Variants in TNNT1 observed in about 807,000 individuals in gnomAD.
TNNT1 encodes the protein troponin T1, slow skeletal type.
A neutral mutation model predicts 50.6 loss-of-function variants in TNNT1; 53 were observed. That is an observed-to-expected ratio of 1.05 (90% CI 0.84 to 1.32). TNNT1 has a LOEUF of 1.32. TNNT1 is among the 40% of genes most tolerant of loss of function. The pLI, the probability that TNNT1 is intolerant of heterozygous loss-of-function variation, is 0.00. For missense variants in TNNT1, 348 were observed against 381.7 expected, an observed-to-expected ratio of 0.91 and a Z score of 0.74; for synonymous variants, 142 against 138.0, an observed-to-expected ratio of 1.03 and a Z score of -0.20.
intron 11 of TNNT1, 21 bp downstream of exon 11, chr19:55,137,082 C>T (rs761460589): frequency 1.3e-5 from 18 of 1,426,692 alleles, no homozygotes; most frequent in Non-Finnish European, 1.6e-5. Context: ...CCCTACACCC[C>T]GAGCCCCCCA....
rs550539061 is a variant in TNNT1, at chr19:55,136,215, C to T, written c.611+888G>A. On this transcript the variant is annotated intron_variant, in intron 11 of 13. Transcript: ENST00000588981. ...ACACAAGGATAATAATAGTATCTAC[C>T]TCACAGGGTTGTAAACCCTCCACAG... Among the ~76,000 whole-genome samples the T allele has an allele frequency of 2.0e-5, 3 of 152,174 alleles. No individual in the cohort carries two copies. In the South Asian group the frequency reaches 6.2e-4, roughly 32 times the overall value.
At chr19:55,148,731 T>A (rs79522342) in intron 1 of TNNT1, among the ~76,000 whole-genome samples, 2 of 151,804 alleles carry the variant, frequency 1.3e-5, no homozygotes, top group African/African-American at 4.8e-5. Flanking sequence ...TATCATAATG[T>A]CTCAGATTCC....
chr19:55,146,743 G>C lies in TNNT1; in HGVS notation c.47-36C>G, dbSNP rs748344144. On this transcript the variant is annotated intron_variant, in intron 3 of 13. Transcript: ENST00000588981. ...GGGCACAGAAGAGAAGGCGTTAGGA[G>C]CTGGGGGAGGGATGGGGGCGGTGGC... is the stretch of plus-strand genomic sequence containing the variant. 22 of 1,471,576 alleles carry C rather than the reference G, an allele frequency of 1.5e-5. No individual in the cohort carries two copies. In the East Asian group the frequency reaches 5.2e-4, roughly 35 times the overall value. The allele number at this position is 1,471,576 out of a possible 1,614,324, so 91.2% of individuals were successfully genotyped here.
chr19:55,145,686 T>G, intron 5 of TNNT1, 121 bp from the exon 6 acceptor site: 1 of 999,652 alleles, frequency 1.0e-6, no homozygotes, highest in Non-Finnish European at 1.6e-6. Flanking sequence ...AGGGAAGGAC[T>G]CTGGAGTCCA....
chr19:55,140,798 T>TAAC, intron 9 of TNNT1, 85 bp downstream of exon 9: 1 of 770,786 alleles, frequency 1.3e-6, no homozygotes, highest in South Asian at 2.7e-5. Context: ...ATAATAGTAA[T>TAAC]AATAATAATA....
chr19:55,133,680 T>TAAA (rs377688637), intron 13 of TNNT1: 28 of 489,680 alleles, frequency 5.7e-5, no homozygotes, highest in African/African-American at 7.4e-5. Flanking sequence ...GCAGTCTCAA[T>TAAA]AAAAAAAAAA....
chr19:55,136,296 AG>A (rs2085345021), intron 11 of TNNT1, among the ~76,000 whole-genome samples: 1 of 152,086 alleles, frequency 6.6e-6, no homozygotes, highest in Non-Finnish European at 1.5e-5. Flanking sequence ...TACATTGCCC[AG>A]GCTGGTCTCC....
rs952653620 is a variant in TNNT1 at position 55,146,955 on chromosome 19, A to G, written c.46+53T>C. The G allele has an allele frequency of 2.6e-6, 4 of 1,549,194 alleles. No homozygotes were observed. In the African/African-American group the frequency reaches 5.4e-5, roughly 21 times the overall value. ...TGCCACACTCCTCGCCTCCCCTCCC[A>G]AGAGCTCCTGGGCGTGTCCCCATCC... On this transcript the variant is annotated intron_variant, in intron 3 of 13. Transcript: ENST00000588981.
chr19:55,141,059 G>T, intron 8 of TNNT1, 99 bp from the exon 9 acceptor site: 2 of 1,521,272 alleles, frequency 1.3e-6, no homozygotes, highest in Non-Finnish European at 9.1e-7. Flanking sequence ...CCACCGACTT[G>T]GGTGAATTCG....
At chr19:55,141,429 G>A in intron 7 of TNNT1, 127 bp from the exon 8 acceptor site, 1 of 758,530 alleles carries the variant, frequency 1.3e-6, no homozygotes, top group Non-Finnish European at 2.4e-6. Context: ...TGGCAGCAAT[G>A]CCTCGTGTTT....
In TNNT1 at chr19:55,140,865, G is replaced by A. The variant is rs779745356; in HGVS notation, c.387+18C>T. Reference sequence around the variant, plus strand: ...GAAGAAGTAACATTTGGGCTCTCAGGGCAGGGGAGGCACCCACCGCCAGCT... The same window carrying A: ...GAAGAAGTAACATTTGGGCTCTCAGAGCAGGGGAGGCACCCACCGCCAGCT... On this transcript the variant is annotated intron_variant, in intron 9 of 13. Coordinates refer to ENST00000588981, the MANE Select transcript of TNNT1 (RefSeq NM_003283.6). 1.9e-6 allele frequency: 3 copies of A among 1,611,742 alleles called. No homozygotes were observed. Among genetic ancestry groups the A allele is most frequent in the East Asian group, 4.5e-5 (2 of 44,858 alleles).
rs562705448 is a variant in TNNT1 at position 55,142,409 on chromosome 19, C to T, written c.129-489G>A. On this transcript the variant is annotated intron_variant, in intron 6 of 13. Transcript: ENST00000588981. The stretch of plus-strand genomic sequence containing the variant: ...GTGCTGGGATCACAGGTGTGAGCCA[C>T]CGCGCCCGGCACTAATCATGTTTTA... Among the ~76,000 whole-genome samples, 76 of 152,170 alleles carry T rather than the reference C, an allele frequency of 5.0e-4. 2 individuals are homozygous for T. The highest frequency in any genetic ancestry group is 7.4e-5 in the Non-Finnish European group (5 of 67,998).
chr19:55,145,344 A>T, intron 6 of TNNT1, 200 bp downstream of exon 6: 1 of 624,428 alleles, frequency 1.6e-6, no homozygotes, highest in Non-Finnish European at 2.8e-6. Context: ...GGGGAAGAAG[A>T]GGAAGTGGAG....
chr19:55,143,913 T>C (rs998111924), intron 6 of TNNT1, among the ~76,000 whole-genome samples: 2 of 152,084 alleles, frequency 1.3e-5, no homozygotes, highest in African/African-American at 4.8e-5. Flanking sequence ...CCAACTTCTC[T>C]GAGAAGGAGA....
chr19:55,138,217 G>C, intron 9 of TNNT1, 143 bp from the exon 10 acceptor site: 1 of 1,440,818 alleles, frequency 6.9e-7, no homozygotes, highest in Non-Finnish European at 9.5e-7. Flanking sequence ...AGAAACGCAG[G>C]GGTACCCACT....
At chr19:55,137,310 T>C in intron 10 of TNNT1, 98 bp from the exon 11 acceptor site, 2 of 833,640 alleles carry the variant, frequency 2.4e-6, no homozygotes, top group Non-Finnish European at 4.0e-6. Flanking sequence ...ACCATTTCCA[T>C]GTTGGGACCA....
rs112755338 is a variant in TNNT1, at chr19:55,146,924, C to G, written c.46+84G>C. On this transcript the variant is annotated intron_variant, in intron 3 of 13. Coordinates refer to ENST00000588981, the MANE Select transcript of TNNT1 (RefSeq NM_003283.6). ...CGAGGGCTGAGCCGCCCCTTCCCCG[C>G]CAAAGTGCCACACTCCTCGCCTCCC... 358 of 1,481,446 alleles carry G rather than the reference C, an allele frequency of 2.4e-4. 2 individuals carry two copies. The African/African-American group carries it at 3.9e-3, about 16-fold the overall frequency. 91.8% of individuals were successfully genotyped at this position (1,481,446 alleles called of 1,614,324 possible).
intron 11 of TNNT1, among the ~76,000 whole-genome samples, chr19:55,134,714 AG>A (rs2147238049): frequency 4.3e-5 from 1 of 23,188 alleles, no homozygotes; most frequent in Non-Finnish European, 8.6e-5. Flanking sequence ...GGAGAGGAGA[AG>A]AGGGGAGGGG....
In TNNT1 at chr19:55,138,035, G is replaced by A. The variant is rs1253077947; in HGVS notation, c.427C>T (p.Arg143Trp). The change falls in exon 10 of 14, where the codon CGG becomes TGG. Residue 143 changes from arginine to tryptophan, a missense_variant. Around this residue, in one of 3 missense-constraint regions of TNNT1, gnomAD observed 253 missense variants for 291.8 expected, o/e 0.87. Coordinates refer to ENST00000588981, the MANE Select transcript of TNNT1 (RefSeq NM_003283.6). ...MRKEEEEAKK[R>W]AEDDAKKKKV... ...TTTTTCTTGGCATCATCCTCTGCCC[G>A]CTTCTTGGCCTCTTCCTCTTCCTTC... The A allele has an allele frequency of 5.0e-6, 8 of 1,614,028 alleles. No homozygotes were observed. Among genetic ancestry groups the A allele is most frequent in the East Asian group, 2.2e-5 (1 of 44,900 alleles).
Sources: allele counts gnomAD v4.1 joint callset (sites outside exome capture counted in the v4.1 genomes callset), GRCh38; gene constraint gnomAD v4.1.1; regional missense constraint gnomAD v4.1.1; transcripts MANE v1.5; gene names NCBI Gene and HGNC (gene_info 2026-07-23, HGNC 2026-07-21).